FNDC3A: variants seen among roughly 807,000 people sequenced by gnomAD.
FNDC3A encodes the protein fibronectin type III domain containing 3A, also known as fibronectin type-III domain-containing protein 3A.
A neutral mutation model predicts 148.9 loss-of-function variants in FNDC3A; 32 were observed. The ratio of observed to expected loss-of-function variants is 0.21; its 90% CI spans 0.16 to 0.29. FNDC3A has a LOEUF of 0.29. FNDC3A is among the 10% of genes least tolerant of loss of function. FNDC3A has a pLI of 1.00. For synonymous variants in FNDC3A, 472 were observed against 473.6 expected (o/e 1.00, Z 0.04); for missense variants, 1,191 against 1,452.8 (o/e 0.82, Z 2.93).
chr13:49,126,366 G>A (rs1021447342), intron 4 of FNDC3A, among the ~76,000 whole-genome samples: 1 of 151,888 alleles, frequency 6.6e-6, no homozygotes, highest in African/African-American at 2.4e-5. Flanking sequence ...TACATTTACA[G>A]CATTGCACTA....
At chr13:48,981,662 C>T (rs1951696338) in intron 1 of FNDC3A, among the ~76,000 whole-genome samples, 1 of 152,086 alleles carries the variant, frequency 6.6e-6, no homozygotes, top group African/African-American at 2.4e-5. Context: ...ATGAACTATA[C>T]TTCTGATTGA....
At chr13:49,165,383 T>C (rs1884397500) in intron 8 of FNDC3A, among the ~76,000 whole-genome samples, 1 of 152,216 alleles carries the variant, frequency 6.6e-6, no homozygotes, top group African/African-American at 2.4e-5. Context: ...ACACTTTGAC[T>C]TTGATTCAGG....
chr13:49,087,676 A>T (rs542126791), intron 3 of FNDC3A, among the ~76,000 whole-genome samples: 1 of 152,282 alleles, frequency 6.6e-6, no homozygotes, highest in African/African-American at 2.4e-5. Context: ...CTTTAGGCAG[A>T]TTTTAAGCTA....
At chr13:49,012,805 A>ATGTGTG (rs61137549) in intron 2 of FNDC3A, among the ~76,000 whole-genome samples, 6,089 of 134,510 alleles carry the variant, frequency 0.045, 167 homozygotes, top group Middle Eastern at 0.075. Context: ...GCAATTATAA[A>ATGTGTG]TGTGTGTGTG....
At position 49,209,412 on chromosome 13, in the gene FNDC3A, A is replaced by G. The variant is rs1886796867; in HGVS notation, c.*2017A>G. On this transcript the variant is annotated 3_prime_UTR_variant, in exon 26 of 26. Transcript: ENST00000492622. ...ATCTTGATTTTACCTCATATACTGT[A>G]CATTCCAAAAACTCTAAACTTTTTA... The G allele has an allele frequency of 6.6e-6, 1 of 152,642 alleles. No individual in the cohort carries two copies. The highest frequency in any genetic ancestry group is 2.1e-4 in the South Asian group (1 of 4,834). 9.5% of individuals were successfully genotyped at this position (152,642 alleles called of 1,614,324 possible). A position where few individuals can be genotyped will look rare whatever the true frequency, so the allele number is the denominator to read the frequency against.
chr13:49,184,605 C>T (rs916323553), intron 14 of FNDC3A, among the ~76,000 whole-genome samples: 29 of 152,098 alleles, frequency 1.9e-4, no homozygotes, highest in Admixed American at 2.6e-4. Context: ...TGCTCCACTA[C>T]AGACAGAGGA....
chr13:48,994,776 C>CA (rs201947023), intron 1 of FNDC3A, among the ~76,000 whole-genome samples: 1,213 of 120,806 alleles, frequency 0.01, 11 homozygotes, highest in African/African-American at 0.029. Flanking sequence ...GACTCCATCT[C>CA]AAAAAAAAAA....
At position 49,198,055 on chromosome 13, in the gene FNDC3A, T is replaced by C. The variant is rs2138127206; in HGVS notation, c.2564T>C (p.Ile855Thr). The C allele has an allele frequency of 1.2e-6, 2 of 1,614,168 alleles. No homozygotes were observed. Among genetic ancestry groups the C allele is most frequent in the Non-Finnish European group, 1.7e-6 (2 of 1,180,002 alleles). ...ACVTPPSVPGIVTCLQEISDD... is the reference protein window; with the variant it reads ...ACVTPPSVPGTVTCLQEISDD... ...GTGACTCCACCATCAGTTCCTGGCATTGTGACCTGTCTTCAAGAAATAAGC... is the reference window on the plus strand; with the variant it reads ...GTGACTCCACCATCAGTTCCTGGCACTGTGACCTGTCTTCAAGAAATAAGC... Residue 855 changes from isoleucine to threonine, a missense_variant, in exon 22 of 26, where the codon ATT becomes ACT. Ile to Thr is a moderately conservative substitution (Grantham distance 89). Around this residue, in one of 3 missense-constraint regions of FNDC3A, gnomAD observed 751 missense variants for 944.0 expected, o/e 0.80. Transcript: ENST00000492622.
chr13:49,085,168 G>C (rs187313017), intron 3 of FNDC3A, among the ~76,000 whole-genome samples: 149 of 152,030 alleles, frequency 9.8e-4, no homozygotes, highest in African/African-American at 3.2e-3. Context: ...CAATTAGTCA[G>C]CTTTTTCAAA....
chr13:49,061,410 TCCCCTCCCCTC>T (rs1876707807), intron 2 of FNDC3A, among the ~76,000 whole-genome samples: 1 of 3,146 alleles, frequency 3.2e-4, no homozygotes, highest in African/African-American at 1.6e-3. Context: ...TTCCCTCCCC[TCCCCTCCCCTC>T]CCCTCCCCTC....
chr13:49,164,951 G>A (rs1283884723), intron 8 of FNDC3A, among the ~76,000 whole-genome samples: 3 of 152,128 alleles, frequency 2.0e-5, no homozygotes, highest in Non-Finnish European at 2.9e-5. Flanking sequence ...TTAGTCCTTT[G>A]TTGATGCTTT....
chr13:48,992,963 T>G (rs1441546586), intron 1 of FNDC3A, among the ~76,000 whole-genome samples: 1 of 152,202 alleles, frequency 6.6e-6, no homozygotes, highest in East Asian at 1.9e-4. Flanking sequence ...GTTTCAACTT[T>G]GTTTAATCTA....
intron 16 of FNDC3A, chr13:49,187,746 T>G: frequency 1.0e-6 from 1 of 973,298 alleles, no homozygotes; most frequent in Non-Finnish European, 1.6e-6. Context: ...AAGACCTTTT[T>G]TTTTTCCTGG....
chr13:48,983,760 T>A (rs1365295427), intron 1 of FNDC3A, among the ~76,000 whole-genome samples: 1 of 152,196 alleles, frequency 6.6e-6, no homozygotes, highest in Non-Finnish European at 1.5e-5. Flanking sequence ...AAAACATCTC[T>A]CTGCGGTAGA....
intron 3 of FNDC3A, among the ~76,000 whole-genome samples, chr13:49,085,644 A>G (rs1878757906): frequency 6.6e-6 from 1 of 152,196 alleles, no homozygotes; most frequent in Non-Finnish European, 1.5e-5. Context: ...GAGATATTAC[A>G]CGTATACCAT....
rs1290138027 is a variant in FNDC3A, at chr13:49,209,725, A to G, written c.*2330A>G. The G allele has an allele frequency of 6.6e-6, 1 of 152,244 alleles. No homozygotes were observed. Among genetic ancestry groups the G allele is most frequent in the Non-Finnish European group, 1.5e-5 (1 of 68,046 alleles). 9.4% of individuals were successfully genotyped at this position (152,244 alleles called of 1,614,324 possible). ...GTATATAAATCTTCAACATGAGAGGATGTATATTTATTATATAAAGCCCAG... is the reference window on the plus strand; with the variant it reads ...GTATATAAATCTTCAACATGAGAGGGTGTATATTTATTATATAAAGCCCAG... On this transcript the variant is annotated 3_prime_UTR_variant, in exon 26 of 26. Coordinates refer to ENST00000492622, the MANE Select transcript of FNDC3A (RefSeq NM_001079673.2).
chr13:49,057,133 G>A (rs528892715), intron 2 of FNDC3A, among the ~76,000 whole-genome samples: 1 of 152,116 alleles, frequency 6.6e-6, no homozygotes, highest in South Asian at 2.1e-4. Flanking sequence ...TTGTCTAGGG[G>A]TTTCTAGATT....
At chr13:49,045,428 C>T in intron 2 of FNDC3A, 1 of 166,318 alleles carries the variant, frequency 6.0e-6, no homozygotes, top group Non-Finnish European at 1.3e-5. Flanking sequence ...GCTGGGATTG[C>T]AGGTGTGAGC....
intron 8 of FNDC3A, among the ~76,000 whole-genome samples, chr13:49,155,899 G>T (rs543790352): frequency 1.5e-4 from 19 of 126,822 alleles, no homozygotes; most frequent in South Asian, 5.6e-4. Context: ...TTGTTATAAT[G>T]TCTGTTCTTT....
Sources: allele counts gnomAD v4.1 joint callset (sites outside exome capture counted in the v4.1 genomes callset), GRCh38; gene constraint gnomAD v4.1.1; regional missense constraint gnomAD v4.1.1; transcripts MANE v1.5; gene names NCBI Gene and HGNC (gene_info 2026-07-23, HGNC 2026-07-21).